The following CCDC149 variants were observed in gnomAD, a reference collection of about 807,000 sequenced individuals.
CCDC149 encodes coiled-coil domain-containing protein 149.
CCDC149 carries 45 observed loss-of-function variants against 59.9 expected under a neutral mutation model. The observed-to-expected ratio is 0.75, with a 90% CI of 0.59 to 0.96. CCDC149 has a LOEUF of 0.96. Ranked by LOEUF, CCDC149 falls within the 40% of genes least tolerant of loss-of-function variation. CCDC149 has a pLI of 0.00. For missense variants in CCDC149, 584 were observed against 664.7 expected (o/e 0.88, Z 1.33); for synonymous variants, 245 against 260.6 (o/e 0.94, Z 0.58).
chr4:24,912,745 C>G (rs1392380748), intron 1 of CCDC149, 72 bp downstream of exon 1: 1 of 1,113,492 alleles, frequency 9.0e-7, no homozygotes, highest in Non-Finnish European at 1.1e-6. Context: ...CTCGGCCTCT[C>G]TGGGGGCGCG....
chr4:24,825,988 C>T (rs1715715725), intron 9 of CCDC149, among the ~76,000 whole-genome samples: 3 of 152,014 alleles, frequency 2.0e-5, no homozygotes, highest in Admixed American at 6.6e-5. Context: ...CGTAGTCTTA[C>T]TCTGTTGCTC....
At chr4:24,833,755 T>C (rs1430431592) in intron 8 of CCDC149, among the ~76,000 whole-genome samples, 2 of 152,264 alleles carry the variant, frequency 1.3e-5, no homozygotes, top group African/African-American at 4.8e-5. Context: ...AGAACTGTTT[T>C]GTAGCAAAAT....
intron 1 of CCDC149, among the ~76,000 whole-genome samples, chr4:24,975,160 C>T (rs1203603091): frequency 2.0e-5 from 3 of 151,990 alleles, no homozygotes. Context: ...TTTCCAGCCT[C>T]CATAGCTATG....
chr4:24,874,943 C>T (rs554670830), intron 2 of CCDC149, among the ~76,000 whole-genome samples: 1 of 152,260 alleles, frequency 6.6e-6, no homozygotes, highest in African/African-American at 2.4e-5. Flanking sequence ...AATAAAAAAG[C>T]GCAGGATACG....
chr4:24,878,216 TAAAAAAAAAAAA>T (rs66494953), intron 1 of CCDC149, among the ~76,000 whole-genome samples: 1 of 125,148 alleles, frequency 8.0e-6, no homozygotes, highest in Admixed American at 7.9e-5. Flanking sequence ...TTTTTTTTCC[TAAAAAAAAAAAA>T]AAAAAAAAAA....
At chr4:24,950,754 C>T (rs924458834) in intron 1 of CCDC149, among the ~76,000 whole-genome samples, 8 of 152,176 alleles carry the variant, frequency 5.3e-5, no homozygotes, top group African/African-American at 1.9e-4. Flanking sequence ...TCAATAAACA[C>T]ATTTTTTCCC....
In CCDC149 at chr4:24,912,974, C is replaced by T; in HGVS notation, c.-95G>A. The T allele has an allele frequency of 2.0e-6, 1 of 508,578 alleles. No homozygotes were observed. Among genetic ancestry groups the T allele is most frequent in the South Asian group, 8.0e-5 (1 of 12,482 alleles). 31.5% of individuals were successfully genotyped at this position (508,578 alleles called of 1,614,324 possible). A position where few individuals can be genotyped will look rare whatever the true frequency, so the allele number is the denominator to read the frequency against. The stretch of plus-strand genomic sequence containing the variant: ...GGCCCCGCGCGGCCCCGAGAGGGCC[C>T]GGCGCCTCCGAGCCGCTGCGCCGCC... On this transcript the variant is annotated 5_prime_UTR_variant, in exon 1 of 13. Transcript: ENST00000635206.
intron 1 of CCDC149, among the ~76,000 whole-genome samples, chr4:24,911,911 C>T (rs937554130): frequency 6.6e-6 from 1 of 152,198 alleles, no homozygotes; most frequent in African/African-American, 2.4e-5. Context: ...AAGGAAGCCC[C>T]AAGTTGGCCT....
intron 3 of CCDC149, among the ~76,000 whole-genome samples, chr4:24,859,472 A>C (rs564817211): frequency 2.0e-5 from 3 of 152,230 alleles, no homozygotes; most frequent in Non-Finnish European, 4.4e-5. Context: ...TATCTATAAC[A>C]AACCCACAGC....
intron 2 of CCDC149, among the ~76,000 whole-genome samples, chr4:24,874,250 TTTTTTTTTTGTTTTG>T (rs1306412050): frequency 2.4e-5 from 2 of 82,602 alleles, no homozygotes; most frequent in African/African-American, 1.2e-4. Context: ...ATTTGTTTTT[TTTTTTTTTTGTTTTG>T]TTTTTTTTTG....
At chr4:24,973,147 A>T (rs1047399713) in intron 1 of CCDC149, among the ~76,000 whole-genome samples, 2 of 152,180 alleles carry the variant, frequency 1.3e-5, no homozygotes, top group African/African-American at 4.8e-5. Flanking sequence ...CTCCCCTTCA[A>T]GTTGTCCCAC....
chr4:24,883,254 T>A (rs1196638954), intron 1 of CCDC149, among the ~76,000 whole-genome samples: 1 of 151,792 alleles, frequency 6.6e-6, no homozygotes, highest in East Asian at 1.9e-4. Context: ...TCAGGGTGTA[T>A]CCCCTGCAGT....
chr4:24,943,261 G>A (rs556391878), intron 1 of CCDC149, among the ~76,000 whole-genome samples: 10 of 151,714 alleles, frequency 6.6e-5, no homozygotes, highest in Admixed American at 2.0e-4. Flanking sequence ...AAATAATGCC[G>A]CATATCTACA....
intron 4 of CCDC149, among the ~76,000 whole-genome samples, chr4:24,841,428 A>G (rs1716929741): frequency 6.6e-6 from 1 of 152,234 alleles, no homozygotes; most frequent in Admixed American, 6.5e-5. Flanking sequence ...ATGCCTGTTA[A>G]GCTTCAATAA....
chr4:24,835,065 T>C (rs1343779507), intron 7 of CCDC149, 33 bp from the exon 8 acceptor site: 1 of 1,534,930 alleles, frequency 6.5e-7, no homozygotes, highest in Admixed American at 1.7e-5. Flanking sequence ...TAAAAACCCG[T>C]CAGAAAAGCC....
At chr4:24,827,737 A>G (rs747092637) in intron 9 of CCDC149, 5 of 152,232 alleles carry the variant, frequency 3.3e-5, no homozygotes, top group African/African-American at 4.8e-5. Context: ...TTCTTCATCA[A>G]TTCTTCGAGA....
At chr4:24,841,031 T>C (rs980149169) in intron 4 of CCDC149, among the ~76,000 whole-genome samples, 1 of 152,184 alleles carries the variant, frequency 6.6e-6, no homozygotes, top group Admixed American at 6.5e-5. Flanking sequence ...AAAGCTGATA[T>C]GCAAAAACTC....
At chr4:24,831,766 G>T in intron 8 of CCDC149, 116 bp from the exon 9 acceptor site, 1 of 872,806 alleles carries the variant, frequency 1.1e-6, no homozygotes, top group Non-Finnish European at 1.7e-6. Context: ...ATGCTACTAT[G>T]TTGTATTGAG....
intron 1 of CCDC149, among the ~76,000 whole-genome samples, chr4:24,889,686 T>C (rs984249911): frequency 1.3e-5 from 2 of 152,128 alleles, no homozygotes; most frequent in Non-Finnish European, 2.9e-5. Flanking sequence ...TACTTCATTA[T>C]AGAATAATAA....
Sources: gnomAD v4.1 joint callset for allele counts (sites outside exome capture counted in the v4.1 genomes callset) on GRCh38, gnomAD v4.1.1 for gene constraint, MANE v1.5 for transcripts, NCBI Gene and HGNC (gene_info 2026-07-23, HGNC 2026-07-21) for gene names.